SDHC: variants seen among roughly 807,000 people sequenced by gnomAD.
SDHC encodes the protein succinate dehydrogenase cytochrome b560 subunit, mitochondrial.
Under a neutral mutation model 22.6 loss-of-function variants are expected in SDHC, and 11 were observed. The ratio of observed to expected loss-of-function variants is 0.49; its 90% CI spans 0.31 to 0.81. SDHC has a LOEUF of 0.81. SDHC is among the 30% of genes least tolerant of loss of function. The probability of loss-of-function intolerance (pLI) is 0.05; values close to 1 mark genes in which losing one functional copy is unlikely to be tolerated. For synonymous variants in SDHC, 80 were observed against 77.8 expected (o/e 1.03, Z -0.15); for missense variants, 160 against 212.0 (o/e 0.75, Z 1.52).
chr1:161,332,962 A>G (rs116264357), intron 3 of SDHC, among the ~76,000 whole-genome samples: 1,929 of 152,292 alleles, frequency 0.013, 43 homozygotes, highest in African/African-American at 0.042. Flanking sequence ...CACTCCAGAA[A>G]GAAACACTAC....
chr1:161,340,569 A>G (rs1553264208), intron 3 of SDHC, 25 bp from the exon 4 acceptor site: 2 of 1,608,146 alleles, frequency 1.2e-6, no homozygotes, highest in South Asian at 2.2e-5. Flanking sequence ...CCTTTTTAAA[A>G]TTGTCTTTGT....
chr1:161,363,146 A>G lies in SDHC; in HGVS notation c.*713A>G. On this transcript the variant is annotated 3_prime_UTR_variant, in exon 6 of 6. Coordinates refer to ENST00000367975, the MANE Select transcript of SDHC (RefSeq NM_003001.5). The stretch of plus-strand genomic sequence containing the variant: ...AATTTTATGCTTTCTCATCGAAGTA[A>G]TGTACCCTTTTTTTCTGAAACTGAA... 4.3e-6 allele frequency: 1 copy of G among 234,202 alleles called. No individual in the cohort carries two copies. The highest frequency in any genetic ancestry group is 2.2e-5 in the African/African-American group (1 of 45,428). 14.5% of individuals were successfully genotyped at this position (234,202 alleles called of 1,614,324 possible).
At chr1:161,328,331 C>T (rs1025976984) in intron 2 of SDHC, 65 bp from the exon 3 acceptor site, 13 of 1,289,090 alleles carry the variant, frequency 1.0e-5, no homozygotes, top group African/African-American at 4.4e-5. Flanking sequence ...CTTAATAAAA[C>T]GTTATGCAAA....
At chr1:161,320,870 A>G (rs1670812331) in intron 1 of SDHC, among the ~76,000 whole-genome samples, 1 of 132,768 alleles carries the variant, frequency 7.5e-6, no homozygotes, top group Admixed American at 8.5e-5. Context: ...CTCTGTCACC[A>G]GGCTGGAGTG....
intron 2 of SDHC, among the ~76,000 whole-genome samples, chr1:161,325,428 C>T (rs1421657582): frequency 6.6e-6 from 1 of 152,066 alleles, no homozygotes; most frequent in Non-Finnish European, 1.5e-5. Context: ...GCCTGTAATC[C>T]TAGCACTTTC....
chr1:161,316,253 C>T (rs1276688947), intron 1 of SDHC, among the ~76,000 whole-genome samples: 1 of 152,160 alleles, frequency 6.6e-6, no homozygotes, highest in African/African-American at 2.4e-5. Flanking sequence ...GGGGGACGGT[C>T]AGGTCTTTCC....
At chr1:161,333,315 A>C (rs1053476199) in intron 3 of SDHC, among the ~76,000 whole-genome samples, 1 of 152,020 alleles carries the variant, frequency 6.6e-6, no homozygotes, top group Non-Finnish European at 1.5e-5. Context: ...TTTGTGTACA[A>C]GTTTTTGTGT....
At chr1:161,327,863 A>ATGATT (rs1489789428) in intron 2 of SDHC, among the ~76,000 whole-genome samples, 2 of 151,742 alleles carry the variant, frequency 1.3e-5, no homozygotes, top group African/African-American at 4.8e-5. Flanking sequence ...TGCGTGGCCT[A>ATGATT]TTATTTTATT....
chr1:161,317,623 G>A (rs1670672686), intron 1 of SDHC, among the ~76,000 whole-genome samples: 1 of 137,812 alleles, frequency 7.3e-6, no homozygotes, highest in African/African-American at 2.7e-5. Flanking sequence ...GTGCAGTGGC[G>A]CAATCTCAGC....
chr1:161,347,596 G>T (rs1333787141), intron 4 of SDHC, among the ~76,000 whole-genome samples: 1 of 151,462 alleles, frequency 6.6e-6, no homozygotes, highest in African/African-American at 2.4e-5. Context: ...GGCCAGGCGC[G>T]GTGGCTCACA....
intron 5 of SDHC, among the ~76,000 whole-genome samples, chr1:161,357,124 A>G (rs1264645206): frequency 6.6e-6 from 1 of 151,862 alleles, no homozygotes; most frequent in Admixed American, 6.6e-5. Flanking sequence ...ATGGGGTTTC[A>G]CCATGTTGGC....
chr1:161,318,105 G>A (rs1293153065), intron 1 of SDHC, among the ~76,000 whole-genome samples: 1 of 151,970 alleles, frequency 6.6e-6, no homozygotes, highest in South Asian at 2.1e-4. Flanking sequence ...CTGGGAGGCG[G>A]AGGTTGCAGT....
At position 161,320,828 on chromosome 1, in the gene SDHC, A is replaced by AT. The variant is rs71270444; in HGVS notation, c.21-2769dup. ...AACTTATTCTAAGACTTCAGTCTTG[A>AT]TTTTTTTTTTTTTTTTTGAGATGGA... On this transcript the variant is annotated intron_variant, in intron 1 of 5. Coordinates refer to ENST00000367975, the MANE Select transcript of SDHC (RefSeq NM_003001.5). Among the ~76,000 whole-genome samples, 133 of 127,654 alleles carry AT rather than the reference A, an allele frequency of 1.0e-3. 1 individual carries two copies. The highest frequency in any genetic ancestry group is 3.0e-3 in the Admixed American group (37 of 12,136). 83.7% of individuals were successfully genotyped at this position (127,654 alleles called of 152,430 possible).
intron 2 of SDHC, among the ~76,000 whole-genome samples, chr1:161,325,726 T>TG (rs1244531907): frequency 6.6e-6 from 1 of 152,200 alleles, no homozygotes; most frequent in Non-Finnish European, 1.5e-5. Context: ...TCTTGATTTT[T>TG]GAGAACCTGA....
chr1:161,339,544 CAT>C, intron 3 of SDHC: 3 of 1,231,916 alleles, frequency 2.4e-6, no homozygotes, highest in South Asian at 2.6e-5. Flanking sequence ...GAGTTATAAT[CAT>C]TTTTTTTTTT....
intron 1 of SDHC, among the ~76,000 whole-genome samples, chr1:161,320,785 GACTC>G (rs1233757321): frequency 1.3e-5 from 2 of 150,934 alleles, no homozygotes; most frequent in Non-Finnish European, 2.9e-5. Context: ...GAAGCTCAAT[GACTC>G]ACTCAAGTTA....
intron 3 of SDHC, among the ~76,000 whole-genome samples, chr1:161,329,498 A>T (rs983567533): frequency 1.3e-5 from 2 of 151,738 alleles, no homozygotes; most frequent in African/African-American, 4.8e-5. Flanking sequence ...TGCCCGGCTA[A>T]TTTTTGTCTT....
chr1:161,336,860 G>T (rs1671505314), intron 3 of SDHC, among the ~76,000 whole-genome samples: 1 of 151,624 alleles, frequency 6.6e-6, no homozygotes, highest in East Asian at 2.0e-4. Context: ...CTTTCTGGAG[G>T]TATTTTTTTA....
At chr1:161,344,177 C>G (rs1200974779) in intron 4 of SDHC, among the ~76,000 whole-genome samples, 1 of 152,214 alleles carries the variant, frequency 6.6e-6, no homozygotes, top group African/African-American at 2.4e-5. Context: ...GTAGTCCCAG[C>G]TGCTTGGGAG....
Sources: gnomAD v4.1 joint callset for allele counts (sites outside exome capture counted in the v4.1 genomes callset) on GRCh38, gnomAD v4.1.1 for gene constraint, MANE v1.5 for transcripts, NCBI Gene and HGNC (gene_info 2026-07-23, HGNC 2026-07-21) for gene names.